KIAA0825: variants seen among roughly 807,000 people sequenced by gnomAD.
KIAA0825 encodes the protein KIAA0825, also known as uncharacterized protein KIAA0825.
In KIAA0825, 119 loss-of-function variants were observed where a neutral mutation model predicts 147.6. The ratio of observed to expected loss-of-function variants is 0.81; its 90% confidence interval spans 0.69 to 0.94. KIAA0825 has a LOEUF of 0.94. Ranked by LOEUF, KIAA0825 falls within the 40% of genes least tolerant of loss-of-function variation. The probability of loss-of-function intolerance (pLI) is 0.00; values close to 1 mark genes in which losing one functional copy is unlikely to be tolerated. For synonymous variants in KIAA0825, 470 were observed against 518.1 expected (o/e 0.91, Z 1.26); for missense variants, 1,381 against 1,472.7 (o/e 0.94, Z 1.02).
chr5:94,386,892 G>T (rs1003058251), intron 18 of KIAA0825, among the ~76,000 whole-genome samples: 1 of 152,112 alleles, frequency 6.6e-6, no homozygotes, highest in African/African-American at 2.4e-5. Context: ...TATAATGCAA[G>T]CTCCTAAACT....
chr5:94,278,599 C>G (rs909793072), intron 20 of KIAA0825, among the ~76,000 whole-genome samples: 1 of 152,040 alleles, frequency 6.6e-6, no homozygotes, highest in South Asian at 2.1e-4. Context: ...TAGTCAGGTA[C>G]CCTGAGTTCA....
chr5:94,202,345 T>C (rs937481077), intron 20 of KIAA0825, among the ~76,000 whole-genome samples: 9 of 152,148 alleles, frequency 5.9e-5, no homozygotes, highest in Admixed American at 4.6e-4. Context: ...ATATTGTATT[T>C]GAGGGACATG....
intron 1 of KIAA0825, among the ~76,000 whole-genome samples, chr5:94,610,764 C>CAAAAA (rs756579848): frequency 1.4e-4 from 3 of 20,836 alleles, no homozygotes; most frequent in African/African-American, 6.1e-4. Flanking sequence ...ACTCTATCTG[C>CAAAAA]AAAAAAAAAA....
At chr5:94,289,535 G>GGA (rs1459844602) in intron 20 of KIAA0825, among the ~76,000 whole-genome samples, 2 of 100,734 alleles carry the variant, frequency 2.0e-5, no homozygotes, top group African/African-American at 3.6e-5. Context: ...ACTCCATCTG[G>GGA]AAAAAAAAAA....
chr5:94,594,375 G>A, intron 1 of KIAA0825: 1 of 759,772 alleles, frequency 1.3e-6, no homozygotes, highest in South Asian at 1.3e-5. Flanking sequence ...TAAAATGTTA[G>A]CAGAGGTACT....
At chr5:94,453,339 A>ATTTTTT (rs563316235) in intron 12 of KIAA0825, among the ~76,000 whole-genome samples, 4 of 118,236 alleles carry the variant, frequency 3.4e-5, no homozygotes, top group African/African-American at 3.3e-5. Context: ...CGTGTGGCTG[A>ATTTTTT]TTTTTTTTTT....
chr5:94,209,454 T>C (rs1004667639), intron 20 of KIAA0825, among the ~76,000 whole-genome samples: 2 of 152,154 alleles, frequency 1.3e-5, no homozygotes, highest in African/African-American at 4.8e-5. Context: ...GTAGGTCCGG[T>C]AGAAAAGAAA....
At chr5:94,487,066 T>A (rs976644360) in intron 5 of KIAA0825, among the ~76,000 whole-genome samples, 1 of 152,170 alleles carries the variant, frequency 6.6e-6, no homozygotes, top group Non-Finnish European at 1.5e-5. Context: ...CAAAATTATA[T>A]AAGAGTGCTT....
intron 20 of KIAA0825, among the ~76,000 whole-genome samples, chr5:94,383,782 C>T (rs1208034285): frequency 7.7e-6 from 1 of 130,084 alleles, no homozygotes. Flanking sequence ...TTGGATTATA[C>T]TGCTCTGTGT....
chr5:94,605,696 C>T (rs1209851302), intron 1 of KIAA0825, among the ~76,000 whole-genome samples: 2 of 152,152 alleles, frequency 1.3e-5, no homozygotes, highest in East Asian at 3.8e-4. Context: ...GCAGAAAAGG[C>T]TTTTGATAAC....
chr5:94,592,646 G>T, intron 1 of KIAA0825: 1 of 261,256 alleles, frequency 3.8e-6, no homozygotes. Flanking sequence ...ATTGGAATGG[G>T]TTTACAGTTA....
chr5:94,359,910 T>C (rs1004023113), intron 20 of KIAA0825, among the ~76,000 whole-genome samples: 8 of 152,226 alleles, frequency 5.3e-5, no homozygotes, highest in Non-Finnish European at 1.0e-4. Flanking sequence ...CACCATTCTC[T>C]TTTCTTGTCT....
intron 20 of KIAA0825, among the ~76,000 whole-genome samples, chr5:94,214,800 T>C (rs1413748605): frequency 1.3e-5 from 2 of 152,218 alleles, no homozygotes; most frequent in Non-Finnish European, 2.9e-5. Context: ...TCAAATCATA[T>C]TGCCCAGGCA....
chr5:94,210,136 C>T (rs189270602), intron 20 of KIAA0825, among the ~76,000 whole-genome samples: 18 of 152,244 alleles, frequency 1.2e-4, no homozygotes, highest in Admixed American at 8.5e-4. Flanking sequence ...TGATTATGAC[C>T]GAACGCACTG....
intron 20 of KIAA0825, among the ~76,000 whole-genome samples, chr5:94,240,849 G>T (rs762541495): frequency 6.6e-6 from 1 of 152,118 alleles, no homozygotes; most frequent in African/African-American, 2.4e-5. Context: ...TAGCACTGAG[G>T]TAATAGTTCC....
In KIAA0825 at chr5:94,403,593, T is replaced by G; in HGVS notation, c.2863A>C (p.Thr955Pro). Residue 955 changes from threonine to proline, a missense_variant, in exon 16 of 21, where the codon ACT becomes CCT. Transcript: ENST00000682413. ...PKEWNYSPKETNRKESCKSFT... is the reference protein window; with the variant it reads ...PKEWNYSPKEPNRKESCKSFT... The stretch of plus-strand genomic sequence containing the variant: ...CTTTTGCATGATTCTTTCCTGTTAG[T>G]TTCTTTTGGACTATAATTCCATTCC... The G allele has an allele frequency of 9.7e-6, 15 of 1,551,468 alleles. No individual in the cohort carries two copies. Among genetic ancestry groups the G allele is most frequent in the Non-Finnish European group, 1.3e-5 (15 of 1,146,828 alleles).
chr5:94,357,362 GA>G (rs1321029667), intron 20 of KIAA0825, among the ~76,000 whole-genome samples: 1 of 151,796 alleles, frequency 6.6e-6, no homozygotes, highest in South Asian at 2.1e-4. Context: ...ATAAGCATAA[GA>G]AAAAAATCAA....
At chr5:94,193,208 A>G (rs969189175) in intron 20 of KIAA0825, among the ~76,000 whole-genome samples, 2 of 152,156 alleles carry the variant, frequency 1.3e-5, no homozygotes, top group East Asian at 1.9e-4. Flanking sequence ...TGCACCTACC[A>G]TGAGGGCGTG....
intron 3 of KIAA0825, among the ~76,000 whole-genome samples, chr5:94,531,913 T>C (rs1303189142): frequency 6.6e-6 from 1 of 152,182 alleles, no homozygotes; most frequent in Non-Finnish European, 1.5e-5. Flanking sequence ...GCTCTGGCTA[T>C]AAAATATATT....
Sources: allele counts gnomAD v4.1 joint callset (sites outside exome capture counted in the v4.1 genomes callset), GRCh38; gene constraint gnomAD v4.1.1; transcripts MANE v1.5; gene names NCBI Gene and HGNC (gene_info 2026-07-23, HGNC 2026-07-21).